Variants in TANC2 observed in about 807,000 individuals in gnomAD.
TANC2 encodes the protein tetratricopeptide repeat, ankyrin repeat and coiled-coil containing 2.
Under a neutral mutation model 210.5 loss-of-function variants are expected in TANC2, and 26 were observed. The observed-to-expected ratio is 0.12, with a 90% confidence interval of 0.09 to 0.17. TANC2 has a LOEUF of 0.17. TANC2 is among the 10% of genes least tolerant of loss of function. The probability of loss-of-function intolerance (pLI) is 1.00; values close to 1 mark genes in which losing one functional copy is unlikely to be tolerated. For synonymous variants in TANC2, 931 were observed against 967.1 expected, an observed-to-expected ratio of 0.96 and a Z score of 0.69; for missense variants, 2,129 against 2,608.9, an observed-to-expected ratio of 0.82 and a Z score of 4.01.
intron 2 of TANC2, among the ~76,000 whole-genome samples, chr17:63,073,114 G>A (rs1052062273): frequency 1.3e-5 from 2 of 152,026 alleles, no homozygotes; most frequent in Non-Finnish European, 1.5e-5. Flanking sequence ...TTTTTCATCT[G>A]ATTAAAGTGA....
exon 11 of TANC2, chr17:63,318,962 G>A (rs769969806): frequency 2.5e-6 from 4 of 1,612,584 alleles, no homozygotes; most frequent in East Asian, 2.2e-5. Flanking sequence ...TCCAGATGTG[G>A]ATGCCAACAG....
chr17:63,338,130 T>C (rs781643968), intron 11 of TANC2, among the ~76,000 whole-genome samples: 14 of 152,242 alleles, frequency 9.2e-5, no homozygotes, highest in Non-Finnish European at 1.5e-4. Context: ...TTTGGATTTA[T>C]ACCCAGTAAT....
At chr17:63,353,967 G>C (rs2046702556) in intron 13 of TANC2, among the ~76,000 whole-genome samples, 1 of 152,054 alleles carries the variant, frequency 6.6e-6, no homozygotes. Flanking sequence ...GGGAAGGAAA[G>C]AATTATAGAT....
At chr17:63,395,687 T>C in intron 17 of TANC2, 56 bp from the exon 18 acceptor site, 1 of 1,526,466 alleles carries the variant, frequency 6.6e-7, no homozygotes, top group Non-Finnish European at 9.0e-7. Context: ...TGTGACTAGA[T>C]TGCGAGCTCA....
At chr17:63,272,983 A>T (rs1316601678) in intron 9 of TANC2, among the ~76,000 whole-genome samples, 1 of 147,452 alleles carries the variant, frequency 6.8e-6, no homozygotes, top group Non-Finnish European at 1.5e-5. Context: ...AGCCTTTTAT[A>T]CTCATAAAAA....
intron 4 of TANC2, among the ~76,000 whole-genome samples, chr17:63,123,164 A>G (rs958256515): frequency 3.3e-5 from 5 of 152,216 alleles, no homozygotes; most frequent in South Asian, 4.1e-4. Flanking sequence ...TACAATTTTA[A>G]GAAGAAAAAT....
At chr17:63,141,604 G>A (rs1365463131) in intron 4 of TANC2, among the ~76,000 whole-genome samples, 1 of 151,432 alleles carries the variant, frequency 6.6e-6, no homozygotes, top group African/African-American at 2.4e-5. Context: ...TCGTTACATA[G>A]CTTTTTTTGA....
At chr17:63,337,862 A>G (rs2046089231) in intron 11 of TANC2, among the ~76,000 whole-genome samples, 1 of 152,176 alleles carries the variant, frequency 6.6e-6, no homozygotes, top group Non-Finnish European at 1.5e-5. Context: ...AAGTGAGAAC[A>G]TGCAGTATTT....
intron 9 of TANC2, among the ~76,000 whole-genome samples, chr17:63,291,759 CTTA>C (rs2044390476): frequency 6.6e-6 from 1 of 152,250 alleles, no homozygotes; most frequent in South Asian, 2.1e-4. Context: ...GGTAGATGCT[CTTA>C]TTATCCTCAT....
At chr17:63,187,386 T>C (rs996994111) in intron 5 of TANC2, among the ~76,000 whole-genome samples, 5 of 152,166 alleles carry the variant, frequency 3.3e-5, no homozygotes, top group African/African-American at 1.2e-4. Flanking sequence ...TTAATATAGG[T>C]AAAATGCTTA....
chr17:63,216,508 C>T (rs1383569001), intron 7 of TANC2, among the ~76,000 whole-genome samples: 1 of 152,128 alleles, frequency 6.6e-6, no homozygotes, highest in African/African-American at 2.4e-5. Flanking sequence ...GTGTGAATCC[C>T]CACTCTATAG....
At chr17:63,334,935 A>G (rs1245447826) in intron 11 of TANC2, among the ~76,000 whole-genome samples, 1 of 152,192 alleles carries the variant, frequency 6.6e-6, no homozygotes, top group East Asian at 1.9e-4. Flanking sequence ...GGCACATCAC[A>G]TGGCCAGAGC....
chr17:63,008,889 A>G (rs931643166), intron 1 of TANC2, among the ~76,000 whole-genome samples: 1 of 151,998 alleles, frequency 6.6e-6, no homozygotes, highest in Non-Finnish European at 1.5e-5. Context: ...GTCAGGTAGG[A>G]AAATTGTCCA....
chr17:63,282,810 G>A (rs1471594981), intron 9 of TANC2, among the ~76,000 whole-genome samples: 1 of 151,866 alleles, frequency 6.6e-6, no homozygotes, highest in Non-Finnish European at 1.5e-5. Context: ...GCGCCTATTT[G>A]CTATCTGAAC....
chr17:63,409,351 C>A (rs2048616583), intron 21 of TANC2, among the ~76,000 whole-genome samples: 1 of 151,910 alleles, frequency 6.6e-6, no homozygotes, highest in Non-Finnish European at 1.5e-5. Flanking sequence ...CCACACCTGG[C>A]TAATTTTTTA....
intron 9 of TANC2, among the ~76,000 whole-genome samples, chr17:63,304,387 C>T (rs1480058798): frequency 2.6e-5 from 4 of 152,164 alleles, no homozygotes; most frequent in Non-Finnish European, 4.4e-5. Flanking sequence ...CCCTATTCAT[C>T]TGGTTCACTC....
intron 4 of TANC2, among the ~76,000 whole-genome samples, chr17:63,111,669 T>A (rs897458648): frequency 6.6e-6 from 1 of 152,234 alleles, no homozygotes; most frequent in Non-Finnish European, 1.5e-5. Flanking sequence ...ATTTCTGATA[T>A]GGCAATATTT....
At chr17:63,209,005 A>AT (rs1034696104) in intron 7 of TANC2, among the ~76,000 whole-genome samples, 10 of 147,926 alleles carry the variant, frequency 6.8e-5, no homozygotes, top group Admixed American at 2.0e-4. Context: ...TTTCTTCCTA[A>AT]TTTTTTTTTT....
At chr17:63,404,835 A>G (rs1385579703) in intron 19 of TANC2, among the ~76,000 whole-genome samples, 1 of 152,046 alleles carries the variant, frequency 6.6e-6, no homozygotes, top group African/African-American at 2.4e-5. Flanking sequence ...AGACCAAAGC[A>G]GAGAAGACAG....
Sources: allele counts gnomAD v4.1 joint callset (sites outside exome capture counted in the v4.1 genomes callset), GRCh38; gene constraint gnomAD v4.1.1; transcripts MANE v1.5; gene names NCBI Gene and HGNC (gene_info 2026-07-23, HGNC 2026-07-21).